Variants in ST8SIA1 observed in about 807,000 individuals in gnomAD.
ST8SIA1 encodes the protein ST8 alpha-N-acetyl-neuraminide alpha-2,8-sialyltransferase 1.
Under a neutral mutation model 35.9 loss-of-function variants are expected in ST8SIA1, and 16 were observed. The ratio of observed to expected loss-of-function variants is 0.45; its 90% CI spans 0.30 to 0.68. ST8SIA1 has a LOEUF of 0.68. Ranked by LOEUF, ST8SIA1 falls within the 30% of genes least tolerant of loss-of-function variation. The probability of loss-of-function intolerance (pLI) is 0.09; values close to 1 mark genes in which losing one functional copy is unlikely to be tolerated. For missense variants in ST8SIA1, 383 were observed against 453.6 expected (o/e 0.84, Z 1.41); for synonymous variants, 170 against 169.6 (o/e 1.00, Z -0.02).
At chr12:22,316,683 T>C (rs2541298) in intron 1 of ST8SIA1, among the ~76,000 whole-genome samples, 2,329 of 151,906 alleles carry the variant, frequency 0.015, 67 homozygotes, top group African/African-American at 0.054. Context: ...ATAAGACAAA[T>C]TGAGAAAAAT....
intron 4 of ST8SIA1, among the ~76,000 whole-genome samples, chr12:22,229,615 CA>C (rs11290260): frequency 0.6 from 56,780 of 93,944 alleles, 13,882 homozygotes; most frequent in Middle Eastern, 0.79. Flanking sequence ...GACCGGGTTT[CA>C]AAAAAAAAAA....
At chr12:22,221,968 AAAAT>A (rs1390647865) in intron 4 of ST8SIA1, among the ~76,000 whole-genome samples, 3 of 152,288 alleles carry the variant, frequency 2.0e-5, no homozygotes, top group Non-Finnish European at 2.9e-5. Flanking sequence ...CCCATTTTCA[AAAAT>A]GGAAAAGAAA....
intron 2 of ST8SIA1, among the ~76,000 whole-genome samples, chr12:22,282,264 C>A (rs961100780): frequency 2.0e-5 from 3 of 152,154 alleles, no homozygotes; most frequent in African/African-American, 4.8e-5. Context: ...AGGTATTTAA[C>A]CCCTCTCAGT....
At chr12:22,262,237 G>A (rs1022135217) in intron 2 of ST8SIA1, among the ~76,000 whole-genome samples, 6 of 152,168 alleles carry the variant, frequency 3.9e-5, no homozygotes, top group East Asian at 3.8e-4. Context: ...ATGGAAAAAC[G>A]CTATTCAAGT....
chr12:22,299,110 C>A (rs942308514), intron 1 of ST8SIA1, among the ~76,000 whole-genome samples: 1 of 151,448 alleles, frequency 6.6e-6, no homozygotes, highest in African/African-American at 2.4e-5. Flanking sequence ...TACTTGTAGA[C>A]AAACTTGTCA....
chr12:22,242,772 G>A (rs1359667275), intron 4 of ST8SIA1, among the ~76,000 whole-genome samples: 1 of 152,122 alleles, frequency 6.6e-6, no homozygotes, highest in African/African-American at 2.4e-5. Flanking sequence ...ACCTGCAAAG[G>A]CCAGCAAAGG....
At chr12:22,230,609 T>C (rs1454350139) in intron 4 of ST8SIA1, among the ~76,000 whole-genome samples, 3 of 152,196 alleles carry the variant, frequency 2.0e-5, no homozygotes, top group African/African-American at 4.8e-5. Context: ...GCATTTAGTT[T>C]CCTCAGGGTG....
Position 22,237,467 on chromosome 12 carries a change from A to AT in ST8SIA1, c.584+11538dup, listed in dbSNP as rs1166085339. Among the ~76,000 whole-genome samples, 17 of 148,998 alleles carry AT rather than the reference A, an allele frequency of 1.1e-4. No individual in the cohort carries two copies. In the East Asian group the frequency reaches 1.9e-3, roughly 17 times the overall value. ...AATTTTGCAACTTTGGAAAATGTTG[A>AT]TTTTTTTTCCTTAGAGATTTTCTCT... On this transcript the variant is annotated intron_variant, in intron 4 of 4. Coordinates refer to ENST00000396037, the MANE Select transcript of ST8SIA1 (RefSeq NM_003034.4).
intron 2 of ST8SIA1, among the ~76,000 whole-genome samples, chr12:22,272,654 A>G (rs997827491): frequency 4.6e-5 from 7 of 152,270 alleles, no homozygotes; most frequent in Non-Finnish European, 1.0e-4. Flanking sequence ...TGGTTTTAAA[A>G]TACAAATCCC....
At chr12:22,330,319 G>A (rs1246584884) in intron 1 of ST8SIA1, among the ~76,000 whole-genome samples, 2 of 152,184 alleles carry the variant, frequency 1.3e-5, no homozygotes, top group Non-Finnish European at 2.9e-5. Flanking sequence ...ACAGAGCTAT[G>A]TGGCAAGCAT....
At chr12:22,289,293 T>G (rs566567490) in intron 1 of ST8SIA1, among the ~76,000 whole-genome samples, 26 of 132,060 alleles carry the variant, frequency 2.0e-4, no homozygotes, top group African/African-American at 7.3e-4. Context: ...GTATGGTTAT[T>G]ATTATTATTA....
intron 4 of ST8SIA1, among the ~76,000 whole-genome samples, chr12:22,217,628 G>C (rs989612505): frequency 1.3e-5 from 2 of 152,172 alleles, no homozygotes; most frequent in African/African-American, 4.8e-5. Flanking sequence ...ATAATAGCGT[G>C]TATTTCATAG....
At chr12:22,284,449 T>G (rs1866073088) in intron 2 of ST8SIA1, among the ~76,000 whole-genome samples, 1 of 152,204 alleles carries the variant, frequency 6.6e-6, no homozygotes, top group Admixed American at 6.5e-5. Context: ...TGGCAACCCT[T>G]TTTGGCTGAT....
At chr12:22,238,170 C>CCA (rs536982006) in intron 4 of ST8SIA1, among the ~76,000 whole-genome samples, 2 of 152,042 alleles carry the variant, frequency 1.3e-5, no homozygotes, top group Non-Finnish European at 2.9e-5. Context: ...AACTCCCCCC[C>CCA]CAACAAGAGG....
chr12:22,215,436 T>G (rs183687737), intron 4 of ST8SIA1, among the ~76,000 whole-genome samples: 152 of 152,288 alleles, frequency 1.0e-3, no homozygotes, highest in African/African-American at 3.5e-3. Flanking sequence ...TTCATTCAAG[T>G]AAGAAGAGAC....
At position 22,199,818 on chromosome 12, in the gene ST8SIA1, T is replaced by A. The variant is rs769863066; in HGVS notation, c.*1734A>T. The A allele has an allele frequency of 2.6e-5, 4 of 152,210 alleles. No individual in the cohort carries two copies. Among genetic ancestry groups the A allele is most frequent in the Non-Finnish European group, 5.9e-5 (4 of 68,030 alleles). 9.4% of individuals were successfully genotyped at this position (152,210 alleles called of 1,614,324 possible). A position where few individuals can be genotyped will look rare whatever the true frequency, so the allele number is the denominator to read the frequency against. On this transcript the variant is annotated 3_prime_UTR_variant, in exon 5 of 5. Coordinates refer to ENST00000396037, the MANE Select transcript of ST8SIA1 (RefSeq NM_003034.4). The stretch of plus-strand genomic sequence containing the variant: ...ACATGGTATGCTGAGTTTTTACTGT[T>A]AAAATTAAACTAGAACTTTTTGGTA...
At chr12:22,308,758 A>T (rs938051056) in intron 1 of ST8SIA1, among the ~76,000 whole-genome samples, 4 of 152,204 alleles carry the variant, frequency 2.6e-5, no homozygotes, top group Admixed American at 6.5e-5. Context: ...TCGCTGAAGC[A>T]TTTGACACAG....
intron 1 of ST8SIA1, among the ~76,000 whole-genome samples, chr12:22,301,466 G>A (rs1415382194): frequency 6.6e-6 from 1 of 152,012 alleles, no homozygotes; most frequent in Non-Finnish European, 1.5e-5. Context: ...TAACAATTAA[G>A]TATACTCCTA....
intron 2 of ST8SIA1, among the ~76,000 whole-genome samples, chr12:22,284,627 C>T (rs1347160966): frequency 6.6e-6 from 1 of 152,168 alleles, no homozygotes; most frequent in Non-Finnish European, 1.5e-5. Flanking sequence ...AAAATCTACT[C>T]ATTGAATTGG....
Sources: allele counts gnomAD v4.1 joint callset (sites outside exome capture counted in the v4.1 genomes callset), GRCh38; gene constraint gnomAD v4.1.1; transcripts MANE v1.5; gene names NCBI Gene and HGNC (gene_info 2026-07-23, HGNC 2026-07-21).